Variants in DLGAP2 observed in about 807,000 individuals in gnomAD.
DLGAP2 encodes disks large-associated protein 2.
A neutral mutation model predicts 100.3 loss-of-function variants in DLGAP2; 26 were observed. The observed-to-expected ratio is 0.26, with a 90% CI of 0.19 to 0.36. The LOEUF is 0.36. Ranked by LOEUF, DLGAP2 falls within the 10% of genes least tolerant of loss-of-function variation. DLGAP2 has a pLI of 1.00. For missense variants in DLGAP2, 1,858 were observed against 1,453.2 expected (o/e 1.28, Z -4.53); for synonymous variants, 886 against 630.1 (o/e 1.41, Z -6.08).
At chr8:935,854 G>A (rs1468042128) in intron 2 of DLGAP2, among the ~76,000 whole-genome samples, 1 of 152,166 alleles carries the variant, frequency 6.6e-6, no homozygotes, top group Non-Finnish European at 1.5e-5. Context: ...GAGTGTTTAT[G>A]TGCTTTTTAT....
At chr8:911,068 A>G (rs1798474961) in intron 2 of DLGAP2, among the ~76,000 whole-genome samples, 1 of 152,116 alleles carries the variant, frequency 6.6e-6, no homozygotes, top group Non-Finnish European at 1.5e-5. Flanking sequence ...ACATCCTTTC[A>G]TGACGAGTCG....
chr8:1,218,421 G>T (rs1798253680), intron 2 of DLGAP2, among the ~76,000 whole-genome samples: 1 of 152,062 alleles, frequency 6.6e-6, no homozygotes, highest in Admixed American at 6.6e-5. Context: ...TTATTTGGGG[G>T]TTCTCTATCC....
intron 3 of DLGAP2, among the ~76,000 whole-genome samples, chr8:1,305,957 A>G (rs977093084): frequency 3.9e-5 from 6 of 152,072 alleles, no homozygotes; most frequent in African/African-American, 1.4e-4. Context: ...ATAGGGAACA[A>G]CTACTAATTT....
intron 1 of DLGAP2, among the ~76,000 whole-genome samples, chr8:852,640 T>C (rs1388373348): frequency 6.6e-6 from 1 of 152,240 alleles, no homozygotes; most frequent in Non-Finnish European, 1.5e-5. Flanking sequence ...ATGTTCCCAG[T>C]AGACGGGATT....
At chr8:1,392,262 T>C (rs6558464) in intron 3 of DLGAP2, among the ~76,000 whole-genome samples, 50,756 of 151,826 alleles carry the variant, frequency 0.33, 9,132 homozygotes, top group African/African-American at 0.47. Flanking sequence ...CCTCCATGAG[T>C]CCAGATCCCA....
chr8:1,171,986 C>G (rs767382416), intron 2 of DLGAP2, among the ~76,000 whole-genome samples: 4 of 152,134 alleles, frequency 2.6e-5, no homozygotes, highest in Admixed American at 2.0e-4. Flanking sequence ...TCTGGATGGT[C>G]TTTACATTTT....
intron 2 of DLGAP2, among the ~76,000 whole-genome samples, chr8:1,179,506 C>T (rs548651999): frequency 6.6e-6 from 1 of 152,270 alleles, no homozygotes; most frequent in African/African-American, 2.4e-5. Context: ...CCCACAGGCA[C>T]CTGGCTGCTG....
At chr8:1,254,214 C>T (rs1250921420) in intron 2 of DLGAP2, among the ~76,000 whole-genome samples, 2 of 152,190 alleles carry the variant, frequency 1.3e-5, no homozygotes, top group African/African-American at 4.8e-5. Flanking sequence ...CAGTGCCTCC[C>T]ACAGGCACCA....
chr8:1,469,686 C>T (rs986257813), intron 3 of DLGAP2, among the ~76,000 whole-genome samples: 21 of 152,200 alleles, frequency 1.4e-4, no homozygotes, highest in East Asian at 5.8e-4. Context: ...CTGCTCTGCA[C>T]GTGCCTGAGA....
intron 1 of DLGAP2, among the ~76,000 whole-genome samples, chr8:859,576 G>A (rs1166765747): frequency 6.6e-6 from 1 of 152,194 alleles, no homozygotes. Flanking sequence ...ATCGCCCCCT[G>A]CCCAAACCTG....
At chr8:1,070,180 T>G (rs934203068) in intron 2 of DLGAP2, among the ~76,000 whole-genome samples, 1 of 152,154 alleles carries the variant, frequency 6.6e-6, no homozygotes, top group Non-Finnish European at 1.5e-5. Flanking sequence ...TTCAGCTGAT[T>G]TGTAGACTCG....
At chr8:1,512,787 C>T (rs114872872) in intron 4 of DLGAP2, among the ~76,000 whole-genome samples, 2,830 of 152,352 alleles carry the variant, frequency 0.019, 113 homozygotes, top group African/African-American at 0.065. Flanking sequence ...ATTAGACAAA[C>T]TGGGTGACTA....
chr8:958,532 C>T (rs1215017938), intron 2 of DLGAP2, among the ~76,000 whole-genome samples: 2 of 138,642 alleles, frequency 1.4e-5, no homozygotes, highest in Non-Finnish European at 3.0e-5. Context: ...GTTTTGCAGG[C>T]ATTCCAGTGA....
rs1358589714 is a variant in DLGAP2 at position 965,023 on chromosome 8, C to T, written c.73+57057C>T. ...ACATGGCTCCTGAGTCTGACCCCTGCGCTGCACATGGCACTGTTCACCACA... is the reference window on the plus strand; with the variant it reads ...ACATGGCTCCTGAGTCTGACCCCTGTGCTGCACATGGCACTGTTCACCACA... On this transcript the variant is annotated intron_variant, in intron 2 of 14. Transcript: ENST00000637795. Among the ~76,000 whole-genome samples, 10 of 150,040 alleles carry T rather than the reference C, an allele frequency of 6.7e-5. No individual in the cohort carries two copies. In the South Asian group the frequency reaches 8.5e-4, roughly 13 times the overall value.
chr8:1,328,801 G>A (rs576305969), intron 3 of DLGAP2, among the ~76,000 whole-genome samples: 3 of 152,306 alleles, frequency 2.0e-5, no homozygotes, highest in African/African-American at 4.8e-5. Flanking sequence ...CTTACGTATC[G>A]GGGTGTTTAT....
chr8:1,523,281 G>A (rs917569261), intron 4 of DLGAP2, among the ~76,000 whole-genome samples: 3 of 152,352 alleles, frequency 2.0e-5, no homozygotes, highest in Non-Finnish European at 2.9e-5. Flanking sequence ...CTGCTGGGGC[G>A]CAGGATGTGG....
chr8:868,412 C>G (rs938150228), intron 1 of DLGAP2, among the ~76,000 whole-genome samples: 4 of 152,300 alleles, frequency 2.6e-5, no homozygotes, highest in Admixed American at 2.6e-4. Context: ...AATGAGCCAT[C>G]TTTGTCATCT....
intron 3 of DLGAP2, among the ~76,000 whole-genome samples, chr8:1,433,716 T>C (rs1797526494): frequency 6.9e-6 from 1 of 144,378 alleles, no homozygotes; most frequent in South Asian, 2.3e-4. Context: ...TGAAGATAAA[T>C]ACACAGATGA....
intron 1 of DLGAP2, among the ~76,000 whole-genome samples, chr8:742,322 G>A (rs1228561396): frequency 6.6e-6 from 1 of 152,170 alleles, no homozygotes; most frequent in East Asian, 1.9e-4. Context: ...GTAAACTTGT[G>A]TTAAAAATTT....
Sources: gnomAD v4.1 joint callset for allele counts (sites outside exome capture counted in the v4.1 genomes callset) on GRCh38, gnomAD v4.1.1 for gene constraint, MANE v1.5 for transcripts, NCBI Gene and HGNC (gene_info 2026-07-23, HGNC 2026-07-21) for gene names.